GLRA3: variants seen among roughly 807,000 people sequenced by gnomAD.
GLRA3 encodes the protein glycine receptor subunit alpha-3.
GLRA3 carries 44 observed loss-of-function variants against 60.4 expected under a neutral mutation model. That is an observed-to-expected ratio of 0.73 (90% CI 0.57 to 0.94). The LOEUF (loss-of-function observed/expected upper bound fraction) is 0.94. Ranked by LOEUF, GLRA3 falls within the 40% of genes least tolerant of loss-of-function variation. The pLI, the probability that GLRA3 is intolerant of heterozygous loss-of-function variation, is 0.00. For missense variants in GLRA3, 508 were observed against 564.6 expected (o/e 0.90, Z 1.02); for synonymous variants, 223 against 192.9 (o/e 1.16, Z -1.29).
At chr4:174,709,133 T>C (rs1384029564) in intron 5 of GLRA3, among the ~76,000 whole-genome samples, 1 of 152,064 alleles carries the variant, frequency 6.6e-6, no homozygotes, top group Non-Finnish European at 1.5e-5. Flanking sequence ...TGCTAGCGCT[T>C]CAAACAGCTT....
At chr4:174,785,970 G>T (rs1265112873) in intron 2 of GLRA3, among the ~76,000 whole-genome samples, 1 of 142,288 alleles carries the variant, frequency 7.0e-6, no homozygotes, top group Non-Finnish European at 1.5e-5. Context: ...GGATAGATGG[G>T]TGTCTCAGAG....
intron 6 of GLRA3, among the ~76,000 whole-genome samples, chr4:174,677,857 C>T (rs990194985): frequency 2.0e-5 from 3 of 152,160 alleles, no homozygotes; most frequent in African/African-American, 7.2e-5. Context: ...GTCAAGATAT[C>T]CAAAGATTTA....
At chr4:174,707,324 T>A (rs1052374533) in intron 5 of GLRA3, among the ~76,000 whole-genome samples, 23 of 152,354 alleles carry the variant, frequency 1.5e-4, no homozygotes, top group African/African-American at 5.5e-4. Flanking sequence ...AGTAAGATGA[T>A]CTTTAACTAG....
chr4:174,749,130 T>C (rs1015737964), intron 3 of GLRA3, among the ~76,000 whole-genome samples: 3 of 152,242 alleles, frequency 2.0e-5, no homozygotes. Context: ...GTGACTGCTA[T>C]TGTTTCTCGA....
At chr4:174,828,669 C>A in intron 1 of GLRA3, 72 bp downstream of exon 1, 1 of 896,330 alleles carries the variant, frequency 1.1e-6, no homozygotes, top group South Asian at 1.3e-5. Context: ...CCGGTCTCAT[C>A]AATAACAAGT....
intron 5 of GLRA3, among the ~76,000 whole-genome samples, chr4:174,706,135 C>A (rs924789715): frequency 6.6e-6 from 1 of 151,684 alleles, no homozygotes; most frequent in Non-Finnish European, 1.5e-5. Flanking sequence ...GAGGCTGAGA[C>A]AGGAGAATGG....
intron 1 of GLRA3, among the ~76,000 whole-genome samples, chr4:174,806,554 A>G (rs867592717): frequency 5.3e-5 from 8 of 152,118 alleles, no homozygotes; most frequent in Admixed American, 1.3e-4. Context: ...CTGAATATGT[A>G]AAGGCTTTAT....
At chr4:174,800,650 C>T (rs528186568) in intron 1 of GLRA3, among the ~76,000 whole-genome samples, 6 of 152,164 alleles carry the variant, frequency 3.9e-5, no homozygotes, top group African/African-American at 1.4e-4. Flanking sequence ...GTCTCAGCCA[C>T]CTGCCCCTTT....
chr4:174,781,902 G>T (rs1178011516), intron 2 of GLRA3, among the ~76,000 whole-genome samples: 1 of 152,152 alleles, frequency 6.6e-6, no homozygotes. Flanking sequence ...GGAGGAGCTG[G>T]TACCATTCCT....
At chr4:174,696,596 C>T (rs1735062828) in intron 5 of GLRA3, among the ~76,000 whole-genome samples, 2 of 151,374 alleles carry the variant, frequency 1.3e-5, no homozygotes, top group Admixed American at 1.3e-4. Flanking sequence ...AAAGCTCAAA[C>T]TAAAGGAAAT....
chr4:174,758,218 AAC>A (rs1387006800), intron 3 of GLRA3, among the ~76,000 whole-genome samples: 1 of 152,150 alleles, frequency 6.6e-6, no homozygotes, highest in African/African-American at 2.4e-5. Flanking sequence ...CTATGACAAG[AAC>A]AGCACAGTGA....
chr4:174,715,958 T>G (rs1735903117), intron 4 of GLRA3, among the ~76,000 whole-genome samples: 1 of 152,162 alleles, frequency 6.6e-6, no homozygotes. Context: ...GACGACATCC[T>G]CAAAAGAGAA....
intron 5 of GLRA3, among the ~76,000 whole-genome samples, chr4:174,692,271 G>T (rs1426888765): frequency 1.4e-5 from 2 of 143,014 alleles, no homozygotes; most frequent in African/African-American, 2.6e-5. Flanking sequence ...GGAGGTGGGG[G>T]GGTCAGCACC....
intron 4 of GLRA3, among the ~76,000 whole-genome samples, chr4:174,717,486 CCATAGA>C (rs1170063074): frequency 6.6e-6 from 1 of 152,102 alleles, no homozygotes; most frequent in African/African-American, 2.4e-5. Context: ...TTTATGTAGA[CCATAGA>C]CATAAAGTTA....
At chr4:174,727,592 T>C (rs1004668342) in intron 4 of GLRA3, among the ~76,000 whole-genome samples, 1 of 152,180 alleles carries the variant, frequency 6.6e-6, no homozygotes, top group African/African-American at 2.4e-5. Flanking sequence ...AAAACAATTA[T>C]GGAAAATTTT....
intron 6 of GLRA3, among the ~76,000 whole-genome samples, chr4:174,679,456 A>G (rs529613871): frequency 2.1e-4 from 32 of 152,330 alleles, no homozygotes; most frequent in African/African-American, 7.2e-4. Context: ...ATTGGTGGGA[A>G]TATAGATTAG....
At chr4:174,786,381 G>A (rs554753860) in intron 2 of GLRA3, among the ~76,000 whole-genome samples, 1 of 152,138 alleles carries the variant, frequency 6.6e-6, no homozygotes, top group South Asian at 2.1e-4. Context: ...TGTTTGATGA[G>A]CTTATTTTTG....
chr4:174,729,266 G>A (rs985348955), intron 3 of GLRA3, among the ~76,000 whole-genome samples: 2 of 152,232 alleles, frequency 1.3e-5, no homozygotes, highest in Admixed American at 1.3e-4. Flanking sequence ...ATTTATTTTA[G>A]TAGATATCCA....
At chr4:174,782,759 A>C (rs923259458) in intron 2 of GLRA3, among the ~76,000 whole-genome samples, 3 of 152,102 alleles carry the variant, frequency 2.0e-5, no homozygotes, top group African/African-American at 4.8e-5. Context: ...TCCAACTTAC[A>C]AGGGATGTGA....
Sources: gnomAD v4.1 joint callset for allele counts (sites outside exome capture counted in the v4.1 genomes callset) on GRCh38, gnomAD v4.1.1 for gene constraint, MANE v1.5 for transcripts, NCBI Gene and HGNC (gene_info 2026-07-23, HGNC 2026-07-21) for gene names.